The following GFRA2 variants were observed in gnomAD, a reference collection of about 807,000 sequenced individuals.
GFRA2 encodes the protein GDNF family receptor alpha-2.
Under a neutral mutation model 48.3 loss-of-function variants are expected in GFRA2, and 17 were observed. The ratio of observed to expected loss-of-function variants is 0.35; its 90% CI spans 0.24 to 0.53. The LOEUF (loss-of-function observed/expected upper bound fraction) is 0.53, where lower values mean the gene tolerates loss of function less well. GFRA2 is among the 20% of genes least tolerant of loss of function. The pLI is 0.93. For missense variants in GFRA2, 660 were observed against 637.3 expected (o/e 1.04, Z -0.38); for synonymous variants, 305 against 257.2 (o/e 1.19, Z -1.78).
chr8:21,778,234 C>T (rs1585332008), intron 2 of GFRA2, among the ~76,000 whole-genome samples: 2 of 152,224 alleles, frequency 1.3e-5, no homozygotes, highest in South Asian at 2.1e-4. Flanking sequence ...GGACTCGCAG[C>T]CTCCCTCAGG....
At chr8:21,724,279 C>T (rs745991785) in intron 4 of GFRA2, among the ~76,000 whole-genome samples, 11 of 152,118 alleles carry the variant, frequency 7.2e-5, no homozygotes, top group Middle Eastern at 3.4e-3. Flanking sequence ...CTTGGCCTAC[C>T]GGAGGTATAC....
At chr8:21,772,973 G>A (rs1806510342) in intron 3 of GFRA2, among the ~76,000 whole-genome samples, 1 of 152,200 alleles carries the variant, frequency 6.6e-6, no homozygotes, top group Non-Finnish European at 1.5e-5. Context: ...GCCGGTACCT[G>A]AGCTTCACAC....
intron 4 of GFRA2, among the ~76,000 whole-genome samples, chr8:21,723,542 T>TA (rs1411875301): frequency 6.6e-6 from 1 of 152,164 alleles, no homozygotes; most frequent in East Asian, 1.9e-4. Flanking sequence ...AGAGCCTGGA[T>TA]AAATGAACAG....
chr8:21,775,800 T>C (rs1806663644), intron 2 of GFRA2, among the ~76,000 whole-genome samples: 1 of 152,120 alleles, frequency 6.6e-6, no homozygotes, highest in Non-Finnish European at 1.5e-5. Context: ...CCTCGAGGCT[T>C]TGGGTGCCTT....
At chr8:21,771,131 T>C (rs1302759184) in intron 3 of GFRA2, among the ~76,000 whole-genome samples, 1 of 151,984 alleles carries the variant, frequency 6.6e-6, no homozygotes, top group Admixed American at 6.6e-5. Flanking sequence ...CACCGAACCC[T>C]CTTAGGGCAT....
chr8:21,694,170 G>C (rs1000539794), intron 8 of GFRA2, among the ~76,000 whole-genome samples: 1 of 149,458 alleles, frequency 6.7e-6, no homozygotes, highest in African/African-American at 2.5e-5. Flanking sequence ...CACAGCAACA[G>C]TGCCGAGCAG....
upstream of GFRA2, among the ~76,000 whole-genome samples, chr8:21,793,620 G>A (rs1207934927): frequency 4.6e-5 from 7 of 152,290 alleles, no homozygotes; most frequent in African/African-American, 7.2e-5. Context: ...TTTCAAGTGA[G>A]AGAGGAGAGG....
At chr8:21,744,314 A>G (rs997971340) in intron 4 of GFRA2, among the ~76,000 whole-genome samples, 26 of 152,212 alleles carry the variant, frequency 1.7e-4, no homozygotes, top group Admixed American at 1.4e-3. Context: ...CACTGCAGGA[A>G]AGGGCCCAGG....
At chr8:21,805,711 C>G (rs1432642754) in intron 1 of GFRA2, among the ~76,000 whole-genome samples, 1 of 152,214 alleles carries the variant, frequency 6.6e-6, no homozygotes, top group South Asian at 2.1e-4. Context: ...GCCTTAACCA[C>G]TAAACTGCAG....
chr8:21,701,275 T>C (rs192622561), intron 7 of GFRA2, among the ~76,000 whole-genome samples: 1 of 152,140 alleles, frequency 6.6e-6, no homozygotes, highest in Non-Finnish European at 1.5e-5. Context: ...GTGCCTGTAG[T>C]CCCAGCTACT....
At chr8:21,781,808 C>T (rs1807003219) in intron 2 of GFRA2, among the ~76,000 whole-genome samples, 1 of 152,180 alleles carries the variant, frequency 6.6e-6, no homozygotes, top group Non-Finnish European at 1.5e-5. Context: ...ACCTCCTAAA[C>T]AGATGCAAAT....
intron 3 of GFRA2, among the ~76,000 whole-genome samples, chr8:21,771,709 A>G (rs1806446443): frequency 6.6e-6 from 1 of 152,174 alleles, no homozygotes; most frequent in Non-Finnish European, 1.5e-5. Context: ...GAGCTGGTAA[A>G]CAGATAGTAG....
chr8:21,747,552 C>G (rs558304736), intron 4 of GFRA2, among the ~76,000 whole-genome samples: 2 of 152,112 alleles, frequency 1.3e-5, no homozygotes, highest in Non-Finnish European at 2.9e-5. Context: ...GGCCCCTCTC[C>G]GAACTCCAGG....
intron 1 of GFRA2, among the ~76,000 whole-genome samples, chr8:21,809,307 T>C (rs1042654332): frequency 1.3e-5 from 2 of 152,186 alleles, no homozygotes; most frequent in Non-Finnish European, 2.9e-5. Flanking sequence ...GGCAGAGTTT[T>C]TGAACAATTT....
In GFRA2 at chr8:21,691,526, C is replaced by A. The variant is rs1381919954; in HGVS notation, c.*1752G>T. 1 of 152,334 alleles carries A rather than the reference C, an allele frequency of 6.6e-6. No homozygotes were observed. Among genetic ancestry groups the A allele is most frequent in the Non-Finnish European group, 1.5e-5 (1 of 68,136 alleles). 9.4% of individuals were successfully genotyped at this position (152,334 alleles called of 1,614,324 possible). A position where few individuals can be genotyped will look rare whatever the true frequency, so the allele number is the denominator to read the frequency against. On this transcript the variant is annotated 3_prime_UTR_variant, in exon 9 of 9. Transcript: ENST00000524240. ...GTCATGTCCTTCTTCTCTGGTGGGA[C>A]CCAAAAGGCCAGGTCACTGCACTCA...
chr8:21,695,072 T>C (rs1802090462), intron 7 of GFRA2, among the ~76,000 whole-genome samples: 1 of 152,196 alleles, frequency 6.6e-6, no homozygotes, highest in Admixed American at 6.5e-5. Flanking sequence ...TGTCTGCCAC[T>C]GGTCCATTAG....
Position 21,693,164 on chromosome 8 carries a change from A to G in GFRA2, c.*114T>C, listed in dbSNP as rs538307020. 1.8e-6 allele frequency: 2 copies of G among 1,107,728 alleles called. No individual in the cohort carries two copies. Among genetic ancestry groups the G allele is most frequent in the African/African-American group, 1.6e-5 (1 of 61,794 alleles). 68.6% of individuals were successfully genotyped at this position (1,107,728 alleles called of 1,614,324 possible). A position where few individuals can be genotyped will look rare whatever the true frequency, so the allele number is the denominator to read the frequency against. ...GAGACAGGTTCAGCGACAAGGTGGGAAAAACAATTTTTTTTTTGCAAGGTG... is the reference window on the plus strand; with the variant it reads ...GAGACAGGTTCAGCGACAAGGTGGGGAAAACAATTTTTTTTTTGCAAGGTG... On this transcript the variant is annotated 3_prime_UTR_variant, in exon 9 of 9. Coordinates refer to ENST00000524240, the MANE Select transcript of GFRA2 (RefSeq NM_001495.5).
At chr8:21,766,657 C>G (rs965185414) in intron 3 of GFRA2, among the ~76,000 whole-genome samples, 9 of 150,486 alleles carry the variant, frequency 6.0e-5, no homozygotes, top group Non-Finnish European at 1.2e-4. Context: ...CATGGCTCCC[C>G]TAAGAGGATG....
At chr8:21,727,588 A>G (rs1352560019) in intron 4 of GFRA2, among the ~76,000 whole-genome samples, 2 of 152,106 alleles carry the variant, frequency 1.3e-5, no homozygotes, top group African/African-American at 4.8e-5. Flanking sequence ...TCGGGTTCCT[A>G]GATTCCCAGT....
Sources: gnomAD v4.1 joint callset for allele counts (sites outside exome capture counted in the v4.1 genomes callset) on GRCh38, gnomAD v4.1.1 for gene constraint, MANE v1.5 for transcripts, NCBI Gene and HGNC (gene_info 2026-07-23, HGNC 2026-07-21) for gene names.